The following SLC10A7 variants were observed in gnomAD, a reference collection of about 807,000 sequenced individuals.
SLC10A7 encodes the protein solute carrier family 10 member 7.
A neutral mutation model predicts 43.2 loss-of-function variants in SLC10A7; 29 were observed. The observed-to-expected ratio is 0.67, with a 90% confidence interval of 0.50 to 0.92. The LOEUF is 0.92. Among genes scored for constraint, SLC10A7 ranks in the 40% least tolerant of loss-of-function variants. The pLI, the probability that SLC10A7 is intolerant of heterozygous loss-of-function variation, is 0.00. For missense variants in SLC10A7, 295 were observed against 403.2 expected, an observed-to-expected ratio of 0.73 and a Z score of 2.30; for synonymous variants, 152 against 144.8, an observed-to-expected ratio of 1.05 and a Z score of -0.35.
At chr4:146,479,220 C>T (rs1734263608) in intron 4 of SLC10A7, among the ~76,000 whole-genome samples, 2 of 152,116 alleles carry the variant, frequency 1.3e-5, no homozygotes, top group Admixed American at 1.3e-4. Flanking sequence ...ACGCACTCAT[C>T]TCTGATCTAT....
At chr4:146,286,345 T>TGTTTGGAGTGGTGAGAAGGACTGA (rs1341328303) in intron 9 of SLC10A7, among the ~76,000 whole-genome samples, 380 of 31,488 alleles carry the variant, frequency 0.012, 1 homozygote, top group African/African-American at 0.035. Context: ...AGAAGGACTG[T>TGTTTGGAGTGGTGAGAAGGACTGA]GTTTGGAGTG....
At chr4:146,301,896 A>T (rs1342798469) in intron 7 of SLC10A7, among the ~76,000 whole-genome samples, 1 of 152,216 alleles carries the variant, frequency 6.6e-6, no homozygotes, top group East Asian at 1.9e-4. Context: ...TAGAACACTT[A>T]AGAAAAAAAA....
At chr4:146,275,419 T>C (rs1729145873) in intron 10 of SLC10A7, among the ~76,000 whole-genome samples, 1 of 152,202 alleles carries the variant, frequency 6.6e-6, no homozygotes. Flanking sequence ...CAGGGCTCTT[T>C]CTGCAGAACT....
chr4:146,311,539 A>T (rs1731976425), intron 6 of SLC10A7, among the ~76,000 whole-genome samples: 1 of 152,170 alleles, frequency 6.6e-6, no homozygotes, highest in South Asian at 2.1e-4. Context: ...TGTATTAAAT[A>T]ATTCACCCTT....
chr4:146,485,852 A>G (rs1734864304), intron 4 of SLC10A7, among the ~76,000 whole-genome samples: 4 of 152,202 alleles, frequency 2.6e-5, no homozygotes, highest in Admixed American at 2.6e-4. Context: ...AAAATTCACC[A>G]GAAGAGATAA....
rs6823815 is a variant in SLC10A7, at chr4:146,274,782, C to T, written c.847+8410G>A. 5.3e-3 allele frequency among the ~76,000 whole-genome samples: 807 copies of T among 152,196 alleles called. 12 individuals carry two copies. Among genetic ancestry groups the T allele is most frequent in the Non-Finnish European group, 3.5e-3 (238 of 68,008 alleles). On this transcript the variant is annotated intron_variant, in intron 10 of 11. Transcript: ENST00000335472. ...TTTTAAATGATTGCTTATTATTATACAATACTTAGTAGTATGTCATAAGTA... is the reference window on the plus strand; with the variant it reads ...TTTTAAATGATTGCTTATTATTATATAATACTTAGTAGTATGTCATAAGTA...
intron 5 of SLC10A7, among the ~76,000 whole-genome samples, chr4:146,367,013 T>G (rs894012868): frequency 9.9e-5 from 15 of 152,138 alleles, no homozygotes; most frequent in Admixed American, 5.9e-4. Context: ...TTTTGTTTTT[T>G]TTTGTTTTTG....
At position 146,435,019 on chromosome 4, in the gene SLC10A7, T is replaced by TA. The variant is rs200926992; in HGVS notation, c.435+7763dup. Among the ~76,000 whole-genome samples the TA allele has an allele frequency of 5.6e-3, 838 of 148,896 alleles. 5 individuals are homozygous for TA. Among genetic ancestry groups the TA allele is most frequent in the African/African-American group, 0.02 (803 of 40,426 alleles). On this transcript the variant is annotated intron_variant, in intron 5 of 11. Coordinates refer to ENST00000335472, the MANE Select transcript of SLC10A7 (RefSeq NM_001029998.6). ...TTGAGGGCAAGAATCATTTTTTTTT[T>TA]AATTATTTTTTCAGCTCTAGAAGCT... is the stretch of plus-strand genomic sequence containing the variant.
chr4:146,260,111 A>C (rs540764519), intron 10 of SLC10A7, among the ~76,000 whole-genome samples: 1 of 152,196 alleles, frequency 6.6e-6, no homozygotes, highest in African/African-American at 2.4e-5. Context: ...AACTCTTCCC[A>C]AACATAGTCT....
At chr4:146,364,051 A>C (rs192099457) in intron 5 of SLC10A7, among the ~76,000 whole-genome samples, 1 of 152,196 alleles carries the variant, frequency 6.6e-6, no homozygotes, top group East Asian at 1.9e-4. Flanking sequence ...AAAGATCAAC[A>C]AAACAAAAAG....
chr4:146,489,660 C>T (rs1579319814), intron 4 of SLC10A7, among the ~76,000 whole-genome samples: 1 of 152,148 alleles, frequency 6.6e-6, no homozygotes, highest in Admixed American at 6.5e-5. Context: ...AATTGTGCAT[C>T]AGAACAGTCC....
intron 6 of SLC10A7, among the ~76,000 whole-genome samples, chr4:146,314,646 T>A (rs892576656): frequency 6.6e-6 from 1 of 152,124 alleles, no homozygotes; most frequent in African/African-American, 2.4e-5. Flanking sequence ...ACCATCCCCA[T>A]ATATGAAGAT....
intron 5 of SLC10A7, among the ~76,000 whole-genome samples, chr4:146,335,877 T>C (rs1733862559): frequency 6.6e-6 from 1 of 152,078 alleles, no homozygotes; most frequent in South Asian, 2.1e-4. Context: ...GTGAATCTGC[T>C]AAATATCTTT....
At chr4:146,286,539 G>GAGTGGTGAGAAGGACTGTGTGTGC in intron 9 of SLC10A7, among the ~76,000 whole-genome samples, 1 of 151,568 alleles carries the variant, frequency 6.6e-6, no homozygotes, top group South Asian at 2.1e-4. Context: ...ACTGTGTTTG[G>GAGTGGTGAGAAGGACTGTGTGTGC]AGTGGTGAGA....
intron 5 of SLC10A7, among the ~76,000 whole-genome samples, chr4:146,376,895 A>G (rs1737241027): frequency 6.6e-6 from 1 of 152,184 alleles, no homozygotes; most frequent in African/African-American, 2.4e-5. Context: ...ATTGGCTAGC[A>G]ACTTAGAAAT....
At chr4:146,428,961 T>C (rs1055308070) in intron 5 of SLC10A7, among the ~76,000 whole-genome samples, 7 of 152,154 alleles carry the variant, frequency 4.6e-5, no homozygotes, top group African/African-American at 1.2e-4. Flanking sequence ...GAAAATAGCA[T>C]ATGGGTTTGG....
intron 4 of SLC10A7, among the ~76,000 whole-genome samples, chr4:146,478,837 T>C (rs1318118989): frequency 6.6e-6 from 1 of 152,006 alleles, no homozygotes; most frequent in Non-Finnish European, 1.5e-5. Context: ...GCTTTAGAAA[T>C]AAAAATAAAA....
chr4:146,494,431 A>G (rs1735718025), intron 4 of SLC10A7, among the ~76,000 whole-genome samples: 1 of 152,230 alleles, frequency 6.6e-6, no homozygotes, highest in Non-Finnish European at 1.5e-5. Context: ...AGGCACAGTC[A>G]AACCCAAAGA....
intron 5 of SLC10A7, among the ~76,000 whole-genome samples, chr4:146,350,721 A>AC (rs2149742987): frequency 2.7e-5 from 2 of 74,202 alleles, no homozygotes; most frequent in South Asian, 1.1e-3. Context: ...TGGTTCCCTG[A>AC]CCCCTGACCC....
Sources: allele counts gnomAD v4.1 joint callset (sites outside exome capture counted in the v4.1 genomes callset), GRCh38; gene constraint gnomAD v4.1.1; transcripts MANE v1.5; gene names NCBI Gene and HGNC (gene_info 2026-07-23, HGNC 2026-07-21).